CADPS2: variants seen among roughly 807,000 people sequenced by gnomAD.
The protein encoded by CADPS2 is calcium dependent secretion activator 2.
Under a neutral mutation model 172.5 loss-of-function variants are expected in CADPS2, and 93 were observed. The observed-to-expected ratio is 0.54, with a 90% confidence interval of 0.46 to 0.64. The LOEUF is 0.64. Ranked by LOEUF, CADPS2 falls within the 30% of genes least tolerant of loss-of-function variation. CADPS2 has a pLI of 0.00. For synonymous variants in CADPS2, 546 were observed against 555.2 expected (o/e 0.98, Z 0.23); for missense variants, 1,420 against 1,565.9 (o/e 0.91, Z 1.57).
At chr7:122,586,125 T>C (rs1391457555) in intron 6 of CADPS2, among the ~76,000 whole-genome samples, 1 of 151,882 alleles carries the variant, frequency 6.6e-6, no homozygotes. Context: ...CATAAAACCA[T>C]GCATGATATA....
chr7:122,538,477 A>G (rs1431961206), intron 8 of CADPS2, among the ~76,000 whole-genome samples: 1 of 151,116 alleles, frequency 6.6e-6, no homozygotes, highest in Admixed American at 6.6e-5. Context: ...TTTAAATTTT[A>G]TTTAATTTTA....
At position 122,657,750 on chromosome 7, in the gene CADPS2, T is replaced by G. The variant is rs1395811183; in HGVS notation, c.786+5487A>C. On this transcript the variant is annotated intron_variant, in intron 3 of 29. Transcript: ENST00000449022. ...TTTCTAAATATACAATCATGTCATC[T>G]GCAAACAGGGACAATTTGACTTCCT... Among the ~76,000 whole-genome samples, 7 of 152,356 alleles carry G rather than the reference T, an allele frequency of 4.6e-5. No homozygotes were observed. In the East Asian group the frequency reaches 1.2e-3, roughly 25 times the overall value.
chr7:122,567,331 T>C (rs1343680226), intron 7 of CADPS2, among the ~76,000 whole-genome samples: 1 of 152,158 alleles, frequency 6.6e-6, no homozygotes, highest in Non-Finnish European at 1.5e-5. Flanking sequence ...CATCACTAGA[T>C]ACTCAGCTTT....
At chr7:122,797,772 T>G (rs887927920) in intron 1 of CADPS2, among the ~76,000 whole-genome samples, 2 of 152,052 alleles carry the variant, frequency 1.3e-5, no homozygotes, top group South Asian at 4.2e-4. Flanking sequence ...GTACTAGGAA[T>G]AATACCCGGT....
chr7:122,562,559 TAAC>T (rs1341076422), intron 7 of CADPS2, among the ~76,000 whole-genome samples: 1 of 152,164 alleles, frequency 6.6e-6, no homozygotes, highest in Non-Finnish European at 1.5e-5. Flanking sequence ...AACTATAAGA[TAAC>T]AAATTTATAT....
intron 6 of CADPS2, among the ~76,000 whole-genome samples, chr7:122,602,506 G>T (rs1025486872): frequency 6.6e-6 from 1 of 152,070 alleles, no homozygotes; most frequent in Non-Finnish European, 1.5e-5. Flanking sequence ...TAATGAAAAA[G>T]AGAGGGTTCT....
chr7:122,676,082 C>T (rs746121890), intron 2 of CADPS2, among the ~76,000 whole-genome samples: 1 of 152,016 alleles, frequency 6.6e-6, no homozygotes, highest in Non-Finnish European at 1.5e-5. Context: ...AGGAAACAAA[C>T]TTAAGGTAAG....
intron 2 of CADPS2, among the ~76,000 whole-genome samples, chr7:122,729,008 T>C (rs1001206630): frequency 6.6e-6 from 1 of 151,768 alleles, no homozygotes; most frequent in East Asian, 1.9e-4. Context: ...AACCTCTCTT[T>C]ACCCTCTATC....
At chr7:122,415,531 A>G (rs1006454969) in intron 18 of CADPS2, among the ~76,000 whole-genome samples, 2 of 151,820 alleles carry the variant, frequency 1.3e-5, no homozygotes, top group Admixed American at 1.3e-4. Context: ...ATTATGAGAG[A>G]AATAGAGTGA....
At chr7:122,624,775 T>C (rs569409310) in intron 4 of CADPS2, among the ~76,000 whole-genome samples, 7 of 152,312 alleles carry the variant, frequency 4.6e-5, no homozygotes, top group Non-Finnish European at 1.0e-4. Context: ...GACTCAGTCA[T>C]TTGATAGACA....
Position 122,325,495 on chromosome 7 carries a change from C to T in CADPS2, c.3699G>A (p.Thr1233=), listed in dbSNP as rs772328045. ...TGTTTACCTTCACAATCTTGATGAG[C>T]GTCTTCAGCTGGTAAATATGGAGTT... ...DLQLHIYQLK[T]LIKIVKKTYR... Residue 1233 remains threonine, a synonymous_variant, in exon 29 of 30, where the codon ACG becomes ACA. Coordinates refer to ENST00000449022, the MANE Select transcript of CADPS2 (RefSeq NM_017954.11). 6.5e-5 allele frequency: 105 copies of T among 1,607,908 alleles called. No homozygotes were observed. The South Asian group carries it at 7.8e-4, about 12-fold the overall frequency.
intron 1 of CADPS2, among the ~76,000 whole-genome samples, chr7:122,786,868 C>T (rs1794169049): frequency 6.6e-6 from 1 of 152,092 alleles, no homozygotes; most frequent in Non-Finnish European, 1.5e-5. Context: ...ACTGAACCTA[C>T]TTGTGACCCA....
intron 1 of CADPS2, among the ~76,000 whole-genome samples, chr7:122,761,657 A>G (rs1035937495): frequency 6.6e-6 from 1 of 152,016 alleles, no homozygotes; most frequent in Non-Finnish European, 1.5e-5. Context: ...AAGAATATGA[A>G]GCACTAAAAA....
At chr7:122,462,973 A>G (rs1383001543) in intron 14 of CADPS2, among the ~76,000 whole-genome samples, 2 of 152,178 alleles carry the variant, frequency 1.3e-5, no homozygotes, top group East Asian at 3.9e-4. Flanking sequence ...CTCAAAAACC[A>G]GCTTCAAAAT....
chr7:122,658,780 T>C (rs1282517186), intron 3 of CADPS2, among the ~76,000 whole-genome samples: 1 of 152,114 alleles, frequency 6.6e-6, no homozygotes, highest in African/African-American at 2.4e-5. Context: ...ATATACCTAA[T>C]GTAAATGATG....
At position 122,387,011 on chromosome 7, in the gene CADPS2, G is replaced by A; in HGVS notation, c.3312+15C>T. ...ACCCTGTGCTGCCTTTCCCCATGTG[G>A]CACATTCTACATACCTCTTGTCCTC... On this transcript the variant is annotated intron_variant, in intron 24 of 29. Coordinates refer to ENST00000449022, the MANE Select transcript of CADPS2 (RefSeq NM_017954.11). 1 of 1,552,274 alleles carries A rather than the reference G, an allele frequency of 6.4e-7. No individual in the cohort carries two copies. The highest frequency in any genetic ancestry group is 1.2e-5 in the South Asian group (1 of 84,066).
intron 2 of CADPS2, among the ~76,000 whole-genome samples, chr7:122,682,981 C>A (rs1398924282): frequency 6.6e-6 from 1 of 152,210 alleles, no homozygotes; most frequent in Non-Finnish European, 1.5e-5. Flanking sequence ...CGGCCAGTTG[C>A]TCCTCTCTTG....
At chr7:122,731,717 A>G (rs1405053516) in intron 2 of CADPS2, among the ~76,000 whole-genome samples, 1 of 151,716 alleles carries the variant, frequency 6.6e-6, no homozygotes, top group African/African-American at 2.4e-5. Context: ...AAAGTGCAGC[A>G]GAATCAAACA....
At chr7:122,788,685 A>G (rs919550135) in intron 1 of CADPS2, among the ~76,000 whole-genome samples, 4 of 152,140 alleles carry the variant, frequency 2.6e-5, no homozygotes, top group African/African-American at 9.7e-5. Flanking sequence ...TTTGAACCTG[A>G]TGGCTTTAGG....
Sources: allele counts gnomAD v4.1 joint callset (sites outside exome capture counted in the v4.1 genomes callset), GRCh38; gene constraint gnomAD v4.1.1; transcripts MANE v1.5; gene names NCBI Gene and HGNC (gene_info 2026-07-23, HGNC 2026-07-21).